Variants in ANKDD1B observed in about 807,000 individuals in gnomAD.
The protein encoded by ANKDD1B is ankyrin repeat and death domain containing 1B.
ANKDD1B carries 57 observed loss-of-function variants against 59.7 expected under a neutral mutation model. That is an observed-to-expected ratio of 0.95 (90% confidence interval 0.77 to 1.19). The LOEUF is 1.19. ANKDD1B is among the 50% of genes most tolerant of loss of function. ANKDD1B has a pLI of 0.00. For synonymous variants in ANKDD1B, 216 were observed against 239.5 expected, an observed-to-expected ratio of 0.90 and a Z score of 0.91; for missense variants, 602 against 641.9, an observed-to-expected ratio of 0.94 and a Z score of 0.67.
In ANKDD1B at chr5:75,650,674, T is replaced by C. The variant is rs1003972654; in HGVS notation, c.799-2468T>C. The stretch of plus-strand genomic sequence containing the variant: ...TCCAAGGTCATATAGGCATTTAGCA[T>C]CATGCAAGCTAGATTTCAGTTGGTC... On this transcript the variant is annotated intron_variant, in intron 7 of 13. Transcript: ENST00000601380. Among the ~76,000 whole-genome samples the C allele has an allele frequency of 2.0e-4, 31 of 152,206 alleles. 1 individual carries two copies. The highest frequency in any genetic ancestry group is 1.5e-5 in the Non-Finnish European group (1 of 68,028).
intron 7 of ANKDD1B, among the ~76,000 whole-genome samples, chr5:75,642,143 G>A (rs938901722): frequency 5.9e-5 from 9 of 152,234 alleles, no homozygotes; most frequent in African/African-American, 2.2e-4. Context: ...GATTGTGAGA[G>A]AGGAAAATCA....
At chr5:75,670,909 A>G in intron 13 of ANKDD1B, 70 bp from the exon 14 acceptor site, 1 of 516,656 alleles carries the variant, frequency 1.9e-6, no homozygotes, top group Non-Finnish European at 3.0e-6. Context: ...TTAATGAATA[A>G]TAGTGCCTGG....
chr5:75,616,934 G>A, intron 2 of ANKDD1B, 27 bp downstream of exon 2: 2 of 1,095,096 alleles, frequency 1.8e-6, no homozygotes, highest in Non-Finnish European at 2.6e-6. Flanking sequence ...AATATGACAA[G>A]TGACTTCTCC....
intron 8 of ANKDD1B, among the ~76,000 whole-genome samples, chr5:75,654,773 A>T (rs1561447353): frequency 6.6e-6 from 1 of 152,180 alleles, no homozygotes; most frequent in Non-Finnish European, 1.5e-5. Flanking sequence ...CGTATCATTA[A>T]TATCAGCTAT....
At position 75,663,422 on chromosome 5, in the gene ANKDD1B, C is replaced by G. The variant is rs1012893291; in HGVS notation, c.1124C>G (p.Ser375Cys). 6.5e-6 allele frequency: 10 copies of G among 1,536,148 alleles called. No individual in the cohort carries two copies. Among genetic ancestry groups the G allele is most frequent in the African/African-American group, 1.4e-5 (1 of 72,998 alleles). ...KQGKTALAVA[S>C]RSNHSLVVGM... The stretch of plus-strand genomic sequence containing the variant: ...GGAAAGACTGCCCTGGCTGTGGCCT[C>G]CAGGAGCAACCATAGCCTTGTCGTG... The change falls in exon 11 of 14, where the codon TCC becomes TGC. Residue 375 changes from serine to cysteine, a missense_variant. Transcript: ENST00000601380.
At chr5:75,664,687 AT>A (rs1330996017) in intron 11 of ANKDD1B, among the ~76,000 whole-genome samples, 2 of 152,204 alleles carry the variant, frequency 1.3e-5, no homozygotes, top group African/African-American at 2.4e-5. Flanking sequence ...TTTAAAAATT[AT>A]TTTGGGTAGA....
At chr5:75,616,302 G>A (rs544353147) in intron 1 of ANKDD1B, among the ~76,000 whole-genome samples, 2 of 152,290 alleles carry the variant, frequency 1.3e-5, no homozygotes, top group African/African-American at 4.8e-5. Flanking sequence ...ATATAAATGA[G>A]AATAAAACAT....
intron 7 of ANKDD1B, among the ~76,000 whole-genome samples, chr5:75,651,162 A>C (rs1774819245): frequency 6.6e-6 from 1 of 152,244 alleles, no homozygotes; most frequent in Admixed American, 6.5e-5. Flanking sequence ...GTCGACCCAG[A>C]TTCAAGGAGG....
At chr5:75,659,894 G>T (rs1775080221) in intron 10 of ANKDD1B, among the ~76,000 whole-genome samples, 1 of 151,732 alleles carries the variant, frequency 6.6e-6, no homozygotes, top group African/African-American at 2.4e-5. Context: ...GCATTATTAA[G>T]TGGAGATATT....
chr5:75,660,738 AATCACTCCAGTTTTCAAGAGCAG>A (rs1775114885), intron 10 of ANKDD1B, among the ~76,000 whole-genome samples: 1 of 152,154 alleles, frequency 6.6e-6, no homozygotes, highest in Non-Finnish European at 1.5e-5. Flanking sequence ...AGGTGGACAA[AATCACTCCAGTTTTCAAGAGCAG>A]ATTGGAGAGA....
intron 12 of ANKDD1B, 39 bp downstream of exon 12, chr5:75,667,032 C>T (rs1775325280): frequency 2.3e-6 from 3 of 1,306,816 alleles, no homozygotes; most frequent in South Asian, 3.5e-5. Flanking sequence ...GAGGAATTCA[C>T]TGTTAGGAAC....
At chr5:75,669,471 C>G in intron 13 of ANKDD1B, 88 bp downstream of exon 13, 1 of 1,147,782 alleles carries the variant, frequency 8.7e-7, no homozygotes, top group Middle Eastern at 3.3e-4. Flanking sequence ...CCAGCTACAG[C>G]CCCAGCGTGG....
chr5:75,655,931 G>A, intron 8 of ANKDD1B, 98 bp from the exon 9 acceptor site: 1 of 619,564 alleles, frequency 1.6e-6, no homozygotes, highest in South Asian at 1.9e-5. Context: ...TCGGTACTTG[G>A]GAGATCATCA....
rs1336801849 is a variant in ANKDD1B, at chr5:75,645,086, C to T, written c.799-8056C>T. On this transcript the variant is annotated intron_variant, in intron 7 of 13. Coordinates refer to ENST00000601380, the MANE Select transcript of ANKDD1B (RefSeq NM_001276713.2). ...ACACCACATACCAGAATCTCTGGGACGCATTCAAAGCAGTGTGTAGAGGGA... is the reference window on the plus strand; with the variant it reads ...ACACCACATACCAGAATCTCTGGGATGCATTCAAAGCAGTGTGTAGAGGGA... Among the ~76,000 whole-genome samples, 21 of 127,864 alleles carry T rather than the reference C, an allele frequency of 1.6e-4. 1 individual carries two copies. The highest frequency in any genetic ancestry group is 2.4e-4 in the Non-Finnish European group (16 of 66,356). 83.9% of individuals were successfully genotyped at this position (127,864 alleles called of 152,430 possible). A position where few individuals can be genotyped will look rare whatever the true frequency, so the allele number is the denominator to read the frequency against.
intron 3 of ANKDD1B, among the ~76,000 whole-genome samples, chr5:75,623,764 T>TC (rs1489911376): frequency 6.6e-6 from 1 of 151,834 alleles, no homozygotes; most frequent in African/African-American, 2.4e-5. Context: ...AATATTAACC[T>TC]CCCCCCACCC....
intron 2 of ANKDD1B, among the ~76,000 whole-genome samples, chr5:75,619,437 G>A (rs570211784): frequency 6.6e-6 from 1 of 152,198 alleles, no homozygotes; most frequent in African/African-American, 2.4e-5. Flanking sequence ...GTTTTACTAT[G>A]ACATGCATAT....
intron 7 of ANKDD1B, among the ~76,000 whole-genome samples, chr5:75,651,515 G>A (rs916033492): frequency 6.6e-6 from 1 of 152,220 alleles, no homozygotes; most frequent in African/African-American, 2.4e-5. Context: ...CGAGTAGGAA[G>A]ATGATGAGGG....
At chr5:75,638,328 A>C (rs1167822196) in intron 7 of ANKDD1B, among the ~76,000 whole-genome samples, 1 of 152,158 alleles carries the variant, frequency 6.6e-6, no homozygotes, top group Non-Finnish European at 1.5e-5. Context: ...ATTTGCACAA[A>C]ATTAAGGGCA....
At position 75,666,272 on chromosome 5, in the gene ANKDD1B, C is replaced by G. The variant is rs557385494; in HGVS notation, c.1192-520C>G. Among the ~76,000 whole-genome samples the G allele has an allele frequency of 2.6e-3, 396 of 152,230 alleles. 3 individuals carry two copies. The highest frequency in any genetic ancestry group is 4.1e-3 in the Non-Finnish European group (280 of 68,012). Reference sequence around the variant, plus strand: ...GTCCTCTCCACTCCCTTAGTCACCTCTTCCCCAAGCCCCAGCCTGAGCTAG... The same window carrying G: ...GTCCTCTCCACTCCCTTAGTCACCTGTTCCCCAAGCCCCAGCCTGAGCTAG... On this transcript the variant is annotated intron_variant, in intron 11 of 13. Coordinates refer to ENST00000601380, the MANE Select transcript of ANKDD1B (RefSeq NM_001276713.2).
Sources: gnomAD v4.1 joint callset for allele counts (sites outside exome capture counted in the v4.1 genomes callset) on GRCh38, gnomAD v4.1.1 for gene constraint, MANE v1.5 for transcripts, NCBI Gene and HGNC (gene_info 2026-07-23, HGNC 2026-07-21) for gene names.